Variants in PLEKHA5 observed in about 807,000 individuals in gnomAD.
PLEKHA5 encodes pleckstrin homology domain containing A5.
PLEKHA5 carries 55 observed loss-of-function variants against 181.9 expected under a neutral mutation model. That is an observed-to-expected ratio of 0.30 (90% CI 0.24 to 0.38). The LOEUF (loss-of-function observed/expected upper bound fraction) is 0.38, where lower values mean the gene tolerates loss of function less well. Ranked by LOEUF, PLEKHA5 falls within the 10% of genes least tolerant of loss-of-function variation. PLEKHA5 has a pLI of 1.00. For synonymous variants in PLEKHA5, 535 were observed against 529.4 expected, an observed-to-expected ratio of 1.01 and a Z score of -0.15; for missense variants, 1,432 against 1,549.5, an observed-to-expected ratio of 0.92 and a Z score of 1.27.
At chr12:19,180,450 GA>G (rs1383856884) in intron 3 of PLEKHA5, among the ~76,000 whole-genome samples, 1 of 152,092 alleles carries the variant, frequency 6.6e-6, no homozygotes, top group Non-Finnish European at 1.5e-5. Context: ...AATGTAGGGG[GA>G]TTTGCCTTGT....
At chr12:19,235,357 C>CT (rs2061256482) in intron 3 of PLEKHA5, among the ~76,000 whole-genome samples, 1 of 152,148 alleles carries the variant, frequency 6.6e-6, no homozygotes, top group East Asian at 1.9e-4. Flanking sequence ...CAGTAGCATT[C>CT]TAACAAGGTA....
intron 3 of PLEKHA5, among the ~76,000 whole-genome samples, chr12:19,160,525 T>C (rs998766656): frequency 6.6e-6 from 1 of 152,172 alleles, no homozygotes; most frequent in African/African-American, 2.4e-5. Context: ...ACTCTACCAC[T>C]GTATATGTAA....
At chr12:19,188,145 A>T (rs191187642) in intron 3 of PLEKHA5, among the ~76,000 whole-genome samples, 7 of 152,344 alleles carry the variant, frequency 4.6e-5, no homozygotes, top group Admixed American at 2.6e-4. Flanking sequence ...CTTCACACAT[A>T]TGCAGGTTTG....
intron 3 of PLEKHA5, among the ~76,000 whole-genome samples, chr12:19,143,206 G>C (rs1426051232): frequency 6.6e-6 from 1 of 152,160 alleles, no homozygotes; most frequent in Admixed American, 6.5e-5. Context: ...CCTCCATACT[G>C]TTTTCCATAA....
intron 10 of PLEKHA5, among the ~76,000 whole-genome samples, chr12:19,271,125 G>A (rs764439128): frequency 6.6e-6 from 1 of 152,154 alleles, no homozygotes; most frequent in African/African-American, 2.4e-5. Context: ...ATCTGTTTTT[G>A]GAATTGCATG....
intron 3 of PLEKHA5, among the ~76,000 whole-genome samples, chr12:19,252,099 A>G (rs1003338971): frequency 6.6e-6 from 1 of 151,804 alleles, no homozygotes. Context: ...ACAATAGTCA[A>G]TATGGAATTT....
chr12:19,150,342 T>C (rs2151290283), intron 3 of PLEKHA5: 1 of 152,260 alleles, frequency 6.6e-6, no homozygotes, highest in East Asian at 1.9e-4. Flanking sequence ...GAGGAAGGTA[T>C]CTTAGGTCTC....
At chr12:19,349,814 T>C (rs1397314681) in intron 25 of PLEKHA5, among the ~76,000 whole-genome samples, 2 of 151,184 alleles carry the variant, frequency 1.3e-5, no homozygotes. Context: ...CCATCTCTAC[T>C]AAAAATACAA....
intron 15 of PLEKHA5, among the ~76,000 whole-genome samples, chr12:19,308,789 G>T (rs372215774): frequency 6.6e-6 from 1 of 152,104 alleles, no homozygotes; most frequent in African/African-American, 2.4e-5. Flanking sequence ...GCTCACCCCT[G>T]TAATTTTAGC....
intron 22 of PLEKHA5, 59 bp from the exon 23 acceptor site, chr12:19,345,783 C>CT (rs1565644897): frequency 2.4e-6 from 2 of 833,216 alleles, no homozygotes; most frequent in Non-Finnish European, 1.9e-6. Flanking sequence ...AGAAATTGTT[C>CT]TTTTTTTATA....
intron 23 of PLEKHA5, 126 bp downstream of exon 23, chr12:19,346,014 T>C (rs916532874): frequency 2.4e-5 from 11 of 451,050 alleles, no homozygotes; most frequent in Non-Finnish European, 4.4e-5. Flanking sequence ...GATATTGTTT[T>C]AGTCTTGAAA....
At chr12:19,254,952 A>G in intron 4 of PLEKHA5, 93 bp from the exon 5 acceptor site, 1 of 1,083,522 alleles carries the variant, frequency 9.2e-7, no homozygotes, top group Admixed American at 2.4e-5. Context: ...ACTGTGAAAA[A>G]GTAGGACACT....
intron 10 of PLEKHA5, among the ~76,000 whole-genome samples, chr12:19,272,799 A>T (rs2073339385): frequency 6.6e-6 from 1 of 152,206 alleles, no homozygotes; most frequent in South Asian, 2.1e-4. Context: ...AGACTACAGT[A>T]AATATGTTTT....
chr12:19,180,443 G>A (rs1370390391), intron 3 of PLEKHA5, among the ~76,000 whole-genome samples: 2 of 152,102 alleles, frequency 1.3e-5, no homozygotes, highest in African/African-American at 2.4e-5. Context: ...TAATAAAAAT[G>A]TAGGGGGATT....
At chr12:19,180,517 A>G (rs1212414127) in intron 3 of PLEKHA5, among the ~76,000 whole-genome samples, 1 of 152,088 alleles carries the variant, frequency 6.6e-6, no homozygotes, top group Non-Finnish European at 1.5e-5. Flanking sequence ...CAATTTTGTC[A>G]GATACTGTGG....
At chr12:19,343,706 G>T (rs2094118567) in intron 22 of PLEKHA5, among the ~76,000 whole-genome samples, 1 of 152,162 alleles carries the variant, frequency 6.6e-6, no homozygotes, top group Non-Finnish European at 1.5e-5. Context: ...TCTAAACATA[G>T]AAAAGGTAAT....
chr12:19,150,225 TTA>T, intron 3 of PLEKHA5: 1 of 152,318 alleles, frequency 6.6e-6, no homozygotes, highest in East Asian at 1.9e-4. Context: ...AATAGAGTTA[TTA>T]TGTTTTTTTC....
chr12:19,269,997 A>C, intron 9 of PLEKHA5, 112 bp downstream of exon 9: 1 of 665,558 alleles, frequency 1.5e-6, no homozygotes, highest in East Asian at 2.8e-5. Flanking sequence ...GTATGAAATC[A>C]TTTTTTCCTC....
At chr12:19,350,193 G>C (rs894458038) in intron 25 of PLEKHA5, among the ~76,000 whole-genome samples, 7 of 152,118 alleles carry the variant, frequency 4.6e-5, no homozygotes, top group African/African-American at 1.7e-4. Context: ...CTCTAAAGTA[G>C]CACAATTAAT....
Sources: allele counts gnomAD v4.1 joint callset (sites outside exome capture counted in the v4.1 genomes callset), GRCh38; gene constraint gnomAD v4.1.1; transcripts MANE v1.5; gene names NCBI Gene and HGNC (gene_info 2026-07-23, HGNC 2026-07-21).